Variants in CELA1 observed in about 807,000 individuals in gnomAD.
CELA1 encodes the protein chymotrypsin like elastase 1, also known as chymotrypsin-like elastase family member 1.
A neutral mutation model predicts 34.8 loss-of-function variants in CELA1; 28 were observed. That is an observed-to-expected ratio of 0.80 (90% CI 0.60 to 1.10). The LOEUF is 1.10. Ranked by LOEUF, CELA1 falls within the 50% of genes least tolerant of loss-of-function variation. The probability of loss-of-function intolerance (pLI) is 0.00; values close to 1 mark genes in which losing one functional copy is unlikely to be tolerated. For synonymous variants in CELA1, 140 were observed against 129.8 expected, an observed-to-expected ratio of 1.08 and a Z score of -0.53; for missense variants, 288 against 327.5, an observed-to-expected ratio of 0.88 and a Z score of 0.93.
In CELA1 at chr12:51,343,778, T is replaced by C. The variant is rs17860300; in HGVS notation, c.175A>G (p.Met59Val). 433,266 of 1,603,242 alleles carry C rather than the reference T, an allele frequency of 0.27. 63,609 individuals are homozygous for C. Among genetic ancestry groups the C allele is most frequent in the Non-Finnish European group, 0.3 (356,789 of 1,170,662 alleles). ...TAATCCACGCAGTGAGCAGCTGTCA[T>C]CACCCAGTTCTGTCTGATAAGGGTC... Reference protein sequence around the residue: ...GGTLIRQNWVMTAAHCVDYQK... With the variant: ...GGTLIRQNWVVTAAHCVDYQK... Residue 59 changes from methionine (M) to valine (V), a missense_variant, in exon 3 of 8, where the codon ATG becomes GTG. Physicochemically the swap from Met to Val is conservative, Grantham distance 21 (BLOSUM62 1). Coordinates refer to ENST00000293636, the MANE Select transcript of CELA1 (RefSeq NM_001971.6).
chr12:51,329,751 C>A lies in CELA1; in HGVS notation c.692G>T (p.Gly231Val), dbSNP rs1468764233. The A allele has an allele frequency of 6.2e-7, 1 of 1,614,006 alleles. No homozygotes were observed. The highest frequency in any genetic ancestry group is 1.7e-5 in the Admixed American group (1 of 59,982). Residue 231 changes from glycine to valine, a missense_variant, in exon 7 of 8, where the codon GGC becomes GTC. Transcript: ENST00000293636. The part of the protein sequence containing the change: ...HGVTSFVSSR[G>V]CNVSRKPTVF... ...TGTAGGCTTCCTGGAGACATTACAG[C>A]CCCGGCTGGACACAAAGCTGGTCAC...
chr12:51,333,125 G>A (rs1327316740), intron 6 of CELA1, among the ~76,000 whole-genome samples: 2 of 145,858 alleles, frequency 1.4e-5, no homozygotes, highest in Admixed American at 1.4e-4. Flanking sequence ...ACTGAGTTTC[G>A]CTCTTGTTGC....
At chr12:51,343,993 G>C in intron 2 of CELA1, 140 bp from the exon 3 acceptor site, 1 of 626,004 alleles carries the variant, frequency 1.6e-6, no homozygotes. Context: ...CTAGGAGCTG[G>C]AGACCAGCCT....
chr12:51,346,496 G>C lies in CELA1; in HGVS notation c.16+127C>G, dbSNP rs17860283. On this transcript the variant is annotated intron_variant, in intron 1 of 7. Coordinates refer to ENST00000293636, the MANE Select transcript of CELA1 (RefSeq NM_001971.6). ...GAGCGTCCCACCTGCCCTGGGACAG[G>C]GTGCTGGCCTGGACTTAGGGAAAAT... 0.01 allele frequency: 8,306 copies of C among 828,776 alleles called. 388 individuals carry two copies. In the East Asian group the frequency reaches 0.14, roughly 14 times the overall value. The allele number at this position is 828,776 out of a possible 1,614,324, so 51.3% of individuals were successfully genotyped here.
At chr12:51,331,902 C>T in intron 6 of CELA1, among the ~76,000 whole-genome samples, 1 of 151,946 alleles carries the variant, frequency 6.6e-6, no homozygotes, top group Non-Finnish European at 1.5e-5. Flanking sequence ...CAAGGGCTGA[C>T]CTTGGTGGTT....
chr12:51,336,027 A>G (rs532828477), intron 6 of CELA1, among the ~76,000 whole-genome samples: 21 of 152,182 alleles, frequency 1.4e-4, no homozygotes, highest in Non-Finnish European at 2.5e-4. Context: ...CCAAGGTTAC[A>G]ATTGCCAAAG....
At chr12:51,343,718 A>C in intron 3 of CELA1, 35 bp downstream of exon 3, 103 of 1,227,126 alleles carry the variant, frequency 8.4e-5, no homozygotes, top group Middle Eastern at 2.4e-4. Flanking sequence ...TTCCCCTTCC[A>C]GGGGCCCAGG....
At chr12:51,342,385 T>C (rs988109809) in intron 4 of CELA1, among the ~76,000 whole-genome samples, 190 bp downstream of exon 4, 6 of 152,172 alleles carry the variant, frequency 3.9e-5, no homozygotes, top group Non-Finnish European at 2.9e-5. Context: ...AGCTCATTGC[T>C]CCCTCTAGGA....
intron 4 of CELA1, among the ~76,000 whole-genome samples, chr12:51,341,868 A>C (rs539001689): frequency 4.3e-4 from 66 of 152,294 alleles, no homozygotes; most frequent in African/African-American, 1.4e-3. Flanking sequence ...CACTTTAGGA[A>C]ATTTACTTTT....
chr12:51,343,350 A>G (rs1565702325), intron 3 of CELA1, among the ~76,000 whole-genome samples: 1 of 152,208 alleles, frequency 6.6e-6, no homozygotes, highest in Non-Finnish European at 1.5e-5. Flanking sequence ...TGTGCCTTCC[A>G]GGTGATTCTG....
At position 51,329,819 on chromosome 12, in the gene CELA1, G is replaced by T. The variant is rs948655439; in HGVS notation, c.624C>A (p.Gly208=). 1.2e-6 allele frequency: 2 copies of T among 1,611,284 alleles called. No individual in the cohort carries two copies. The highest frequency in any genetic ancestry group is 2.2e-5 in the East Asian group (1 of 44,742). Residue 208 remains glycine (G), a synonymous_variant, in exon 7 of 8, where the codon GGC becomes GGA. Coordinates refer to ENST00000293636, the MANE Select transcript of CELA1 (RefSeq NM_001971.6). ...VRSGCQGDSG[G]PLHCLVNGKY... The stretch of plus-strand genomic sequence containing the variant: ...TGCCATTCACCAAGCAATGGAGGGG[G>T]CCCCCAGAGTCACCCTGCAGGGAGG...
intron 6 of CELA1, among the ~76,000 whole-genome samples, chr12:51,332,546 T>C (rs1233584070): frequency 1.3e-5 from 2 of 152,106 alleles, no homozygotes; most frequent in Non-Finnish European, 2.9e-5. Flanking sequence ...CATAATCTTA[T>C]TTGCCAATTT....
intron 6 of CELA1, among the ~76,000 whole-genome samples, chr12:51,334,262 C>T (rs1199739355): frequency 1.3e-5 from 2 of 152,048 alleles, no homozygotes; most frequent in Non-Finnish European, 2.9e-5. Flanking sequence ...CTGATGAAGG[C>T]CTAGAAGAGG....
At position 51,334,636 on chromosome 12, in the gene CELA1, G is replaced by A. The variant is rs57565540; in HGVS notation, c.610-4803C>T. On this transcript the variant is annotated intron_variant, in intron 6 of 7. Coordinates refer to ENST00000293636, the MANE Select transcript of CELA1 (RefSeq NM_001971.6). ...TTTTTAGTAGAGACGGGGTTTCACCGTGTTAGCCAGGATGGTCTCGATCTC... is the reference window on the plus strand; with the variant it reads ...TTTTTAGTAGAGACGGGGTTTCACCATGTTAGCCAGGATGGTCTCGATCTC... 1.8e-3 allele frequency among the ~76,000 whole-genome samples: 274 copies of A among 152,126 alleles called. 1 individual carries two copies. The highest frequency in any genetic ancestry group is 6.3e-3 in the African/African-American group (261 of 41,504).
In CELA1 at chr12:51,345,831, T is replaced by TC; in HGVS notation, c.62dup (p.Gly22ArgfsTer3). On this transcript the variant is annotated frameshift_variant, in exon 2 of 8. Coordinates refer to ENST00000293636, the MANE Select transcript of CELA1 (RefSeq NM_001971.6). LOFTEE classifies it high-confidence loss of function. ...AGGAATTCCTCCCGGCCTCAGTCCC[T>TC]CCGACTACGCGGGCATTGGTTTCCG... is the stretch of plus-strand genomic sequence containing the variant. 1 of 1,559,438 alleles carries TC rather than the reference T, an allele frequency of 6.4e-7. No individual in the cohort carries two copies.
rs770466400 is a variant in CELA1 at position 51,329,811 on chromosome 12, T to C, written c.632A>G (p.His211Arg). ...AGAATACTTGCCATTCACCAAGCAA[T>C]GGAGGGGGCCCCCAGAGTCACCCTG... ...GCQGDSGGPL[H>R]CLVNGKYSVH... Residue 211 changes from histidine to arginine, a missense_variant, in exon 7 of 8, where the codon CAT (histidine) becomes CGT (arginine). Coordinates refer to ENST00000293636, the MANE Select transcript of CELA1 (RefSeq NM_001971.6). The C allele has an allele frequency of 2.8e-5, 45 of 1,602,282 alleles. No homozygotes were observed. Among genetic ancestry groups the C allele is most frequent in the Non-Finnish European group, 3.5e-5 (41 of 1,172,920 alleles).
chr12:51,340,705 A>C (rs1210176960), intron 5 of CELA1, among the ~76,000 whole-genome samples: 6 of 152,060 alleles, frequency 3.9e-5, no homozygotes, highest in Admixed American at 6.6e-5. Flanking sequence ...TGGTTTCCTC[A>C]TGTATAAAAT....
In CELA1 at chr12:51,329,667, C is replaced by T. The variant is rs777653347; in HGVS notation, c.759+17G>A. Reference sequence around the variant, plus strand: ...TCCAGGTGACCCCATTTCAACCCATCATTTGAGAGGACTCACATTATTTAT... The same window carrying T: ...TCCAGGTGACCCCATTTCAACCCATTATTTGAGAGGACTCACATTATTTAT... On this transcript the variant is annotated intron_variant, in intron 7 of 7. Coordinates refer to ENST00000293636, the MANE Select transcript of CELA1 (RefSeq NM_001971.6). The T allele has an allele frequency of 1.9e-6, 3 of 1,596,898 alleles. No homozygotes were observed. Among genetic ancestry groups the T allele is most frequent in the South Asian group, 2.3e-5 (2 of 88,688 alleles).
intron 6 of CELA1, among the ~76,000 whole-genome samples, chr12:51,334,106 A>T (rs144630842): frequency 2.6e-5 from 4 of 152,320 alleles, no homozygotes; most frequent in African/African-American, 9.6e-5. Context: ...GGACCTGGGG[A>T]CACAATTGCC....
Sources: gnomAD v4.1 joint callset for allele counts (sites outside exome capture counted in the v4.1 genomes callset) on GRCh38, gnomAD v4.1.1 for gene constraint, MANE v1.5 for transcripts, NCBI Gene and HGNC (gene_info 2026-07-23, HGNC 2026-07-21) for gene names.